Variants in TWIST2 observed in about 807,000 individuals in gnomAD.
The protein encoded by TWIST2 is twist-related protein 2.
In TWIST2, 1 loss-of-function variant was observed where a neutral mutation model predicts 11.6. That is an observed-to-expected ratio of 0.09 (90% CI 0.03 to 0.41). The LOEUF is 0.41. Among genes scored for constraint, TWIST2 ranks in the 10% least tolerant of loss-of-function variants. TWIST2 has a pLI of 0.98. For missense variants in TWIST2, 168 were observed against 226.4 expected, an observed-to-expected ratio of 0.74 and a Z score of 1.66; for synonymous variants, 87 against 96.6, an observed-to-expected ratio of 0.90 and a Z score of 0.58.
intron 1 of TWIST2, among the ~76,000 whole-genome samples, chr2:238,905,912 T>TGTGC (rs1693340191): frequency 8.8e-6 from 1 of 113,696 alleles, no homozygotes; most frequent in African/African-American, 4.1e-5. Context: ...TGCGTGTGTG[T>TGTGC]GCGTGCAGGT....
At chr2:238,891,825 C>G (rs1402621409) in intron 1 of TWIST2, among the ~76,000 whole-genome samples, 1 of 152,106 alleles carries the variant, frequency 6.6e-6, no homozygotes, top group South Asian at 2.1e-4. Flanking sequence ...TCTGTTTGCT[C>G]CTAGAGACCC....
intron 1 of TWIST2, among the ~76,000 whole-genome samples, chr2:238,852,034 C>T (rs1334240403): frequency 6.6e-6 from 1 of 152,130 alleles, no homozygotes; most frequent in Non-Finnish European, 1.5e-5. Context: ...CTCATATTTT[C>T]ATACAGATCT....
chr2:238,893,759 C>T (rs1401907457), intron 1 of TWIST2, among the ~76,000 whole-genome samples: 1 of 152,246 alleles, frequency 6.6e-6, no homozygotes, highest in African/African-American at 2.4e-5. Flanking sequence ...CTGGCACTTT[C>T]GCTGTCCCAC....
At chr2:238,877,303 A>G (rs956730333) in intron 1 of TWIST2, among the ~76,000 whole-genome samples, 4 of 152,194 alleles carry the variant, frequency 2.6e-5, no homozygotes, top group African/African-American at 9.7e-5. Context: ...ACTTTAAAGA[A>G]TGATTCTATA....
At chr2:238,862,312 G>A (rs1335362510) in intron 1 of TWIST2, among the ~76,000 whole-genome samples, 1 of 151,976 alleles carries the variant, frequency 6.6e-6, no homozygotes, top group South Asian at 2.1e-4. Flanking sequence ...GAAGAACCAG[G>A]AAGAAAATAT....
intron 1 of TWIST2, among the ~76,000 whole-genome samples, chr2:238,902,599 GTGAT>G (rs1177056886): frequency 6.7e-6 from 1 of 150,084 alleles, no homozygotes; most frequent in Non-Finnish European, 1.5e-5. Flanking sequence ...TGTAGTGTGT[GTGAT>G]ATGAGTTGTG....
chr2:238,852,722 T>C lies in TWIST2; in HGVS notation c.*35+3989T>C, dbSNP rs145475427. ...ACGAGTGTATGTAAAACTGGTGAAA[T>C]CTGAATGAGGTCTGGGGACGATATT... On this transcript the variant is annotated intron_variant, in intron 1 of 1. Coordinates refer to ENST00000612363, the MANE Select transcript of TWIST2 (RefSeq NM_001271893.4). Among the ~76,000 whole-genome samples the C allele has an allele frequency of 3.3e-5, 5 of 152,230 alleles. No homozygotes were observed. The East Asian group carries it at 9.6e-4, about 29-fold the overall frequency.
chr2:238,870,832 A>C (rs1574755060), intron 1 of TWIST2, among the ~76,000 whole-genome samples: 1 of 39,834 alleles, frequency 2.5e-5, no homozygotes, highest in Non-Finnish European at 4.8e-5. Context: ...CACACACACC[A>C]CACCCCCACA....
intron 1 of TWIST2, among the ~76,000 whole-genome samples, chr2:238,880,871 T>G (rs1185972605): frequency 3.5e-5 from 4 of 114,896 alleles, no homozygotes; most frequent in African/African-American, 9.7e-5. Flanking sequence ...GTTAGTGTTA[T>G]TGTTAGTGTT....
chr2:238,888,379 T>C (rs1024541400), intron 1 of TWIST2, among the ~76,000 whole-genome samples: 1 of 152,224 alleles, frequency 6.6e-6, no homozygotes, highest in African/African-American at 2.4e-5. Flanking sequence ...TCAACCTGAA[T>C]TCTTTAAAAC....
intron 1 of TWIST2, among the ~76,000 whole-genome samples, chr2:238,878,093 G>T (rs1200702654): frequency 1.3e-5 from 2 of 152,186 alleles, no homozygotes; most frequent in African/African-American, 4.8e-5. Context: ...CCTGGAGGCT[G>T]GTTTTGTGCA....
chr2:238,887,240 A>T (rs1693056409), intron 1 of TWIST2: 1 of 152,174 alleles, frequency 6.6e-6, no homozygotes, highest in Admixed American at 6.5e-5. Context: ...ATCTTAATAA[A>T]ACATGAAGGT....
chr2:238,882,680 A>G (rs186028311), intron 1 of TWIST2, among the ~76,000 whole-genome samples: 187 of 152,350 alleles, frequency 1.2e-3, no homozygotes, highest in African/African-American at 4.4e-3. Flanking sequence ...ATTCATGGGG[A>G]AAACTCCTTC....
chr2:238,856,072 G>A (rs1231183041), intron 1 of TWIST2, among the ~76,000 whole-genome samples: 1 of 152,126 alleles, frequency 6.6e-6, no homozygotes, highest in Non-Finnish European at 1.5e-5. Context: ...GGGCCGTGCG[G>A]TGGCTGTGGC....
intron 1 of TWIST2, among the ~76,000 whole-genome samples, chr2:238,881,719 C>T (rs148574236): frequency 9.8e-4 from 149 of 152,228 alleles, no homozygotes; most frequent in African/African-American, 2.7e-3. Flanking sequence ...CCCTCTTGAG[C>T]GTCTCTCACA....
Position 238,889,032 on chromosome 2 carries a change from T to C in TWIST2, c.*36-20810T>C, listed in dbSNP as rs1693086945. Reference sequence around the variant, plus strand: ...AATTCCAGTGTCATCCTTGGGTCTGTCCTGGTCACACATTCCCAGGGTGGC... The same window carrying C: ...AATTCCAGTGTCATCCTTGGGTCTGCCCTGGTCACACATTCCCAGGGTGGC... On this transcript the variant is annotated intron_variant, in intron 1 of 1. Transcript: ENST00000612363. Among the ~76,000 whole-genome samples, 3 of 152,306 alleles carry C rather than the reference T, an allele frequency of 2.0e-5. No individual in the cohort carries two copies. In the South Asian group the frequency reaches 6.2e-4, roughly 32 times the overall value.
intron 1 of TWIST2, among the ~76,000 whole-genome samples, chr2:238,881,707 G>GC (rs891836192): frequency 6.6e-6 from 1 of 152,088 alleles, no homozygotes; most frequent in African/African-American, 2.4e-5. Flanking sequence ...CCCCATCTCG[G>GC]CCCCTCTTGA....
intron 1 of TWIST2, among the ~76,000 whole-genome samples, chr2:238,853,661 G>A (rs954262044): frequency 2.6e-5 from 4 of 152,200 alleles, no homozygotes; most frequent in Admixed American, 6.5e-5. Context: ...TTAAGCTCTT[G>A]TAAACTGAGG....
At chr2:238,898,655 G>T (rs1158967982) in intron 1 of TWIST2, among the ~76,000 whole-genome samples, 4 of 152,258 alleles carry the variant, frequency 2.6e-5, no homozygotes, top group African/African-American at 7.2e-5. Context: ...CCTCTCCCCT[G>T]AGGTGGGGGT....
Sources: allele counts gnomAD v4.1 joint callset (sites outside exome capture counted in the v4.1 genomes callset), GRCh38; gene constraint gnomAD v4.1.1; transcripts MANE v1.5; gene names NCBI Gene and HGNC (gene_info 2026-07-23, HGNC 2026-07-21).